Variants in TPT1 observed in about 807,000 individuals in gnomAD.
TPT1 encodes tumor protein, translationally-controlled 1, also known as translationally-controlled tumor protein.
In TPT1, 5 loss-of-function variants were observed where a neutral mutation model predicts 22.8. The ratio of observed to expected loss-of-function variants is 0.22; its 90% CI spans 0.11 to 0.46. The LOEUF (loss-of-function observed/expected upper bound fraction) is 0.46, where lower values mean the gene tolerates loss of function less well. Among genes scored for constraint, TPT1 ranks in the 20% least tolerant of loss-of-function variants. The pLI, the probability that TPT1 is intolerant of heterozygous loss-of-function variation, is 0.99. For synonymous variants in TPT1, 89 were observed against 73.6 expected, an observed-to-expected ratio of 1.21 and a Z score of -1.07; for missense variants, 130 against 218.7, an observed-to-expected ratio of 0.59 and a Z score of 2.56.
chr13:45,335,525 C>T lies in TPT1; in HGVS notation c.*1861G>A, dbSNP rs1196133917. 1 of 152,214 alleles carries T rather than the reference C, an allele frequency of 6.6e-6. No homozygotes were observed. The highest frequency in any genetic ancestry group is 2.4e-5 in the African/African-American group (1 of 41,442). 9.4% of individuals were successfully genotyped at this position (152,214 alleles called of 1,614,324 possible). On this transcript the variant is annotated 3_prime_UTR_variant, in exon 6 of 6. Coordinates refer to ENST00000530705, the MANE Select transcript of TPT1 (RefSeq NM_003295.4). Reference sequence around the variant, plus strand: ...GGCCTTCTTCACTATCCTGGTTTCCCCAGCTTTGACCACTGCCTGAAAATT... The same window carrying T: ...GGCCTTCTTCACTATCCTGGTTTCCTCAGCTTTGACCACTGCCTGAAAATT...
Position 45,341,165 on chromosome 13 carries a change from G to GGGGGAGC in TPT1, c.-103_-97dup, listed in dbSNP as rs1402672850. On this transcript the variant is annotated 5_prime_UTR_variant, in exon 1 of 6. Transcript: ENST00000530705. Reference sequence around the variant, plus strand: ...CAGCCGGAGCGGCGCTCGGGGGGAGGGGGGAGCGGGCGGAAAAGGCCGACT... The same window carrying GGGGGAGC: ...CAGCCGGAGCGGCGCTCGGGGGGAGGGGGGAGCGGGGAGCGGGCGGAAAAGGCCGACT... 50 of 1,548,426 alleles carry GGGGGAGC rather than the reference G, an allele frequency of 3.2e-5. 1 individual carries two copies. Among genetic ancestry groups the GGGGGAGC allele is most frequent in the East Asian group, 3.1e-4 (13 of 42,110 alleles).
At position 45,333,716 on chromosome 13, in the gene TPT1, T is replaced by C. The variant is rs1296344560; in HGVS notation, c.*3670A>G. Reference sequence around the variant, plus strand: ...AAAAAACCATGTACCTGTATTGTATTTCATGCCTGCGACTGTTAGTCTCTT... The same window carrying C: ...AAAAAACCATGTACCTGTATTGTATCTCATGCCTGCGACTGTTAGTCTCTT... On this transcript the variant is annotated 3_prime_UTR_variant, in exon 6 of 6. Coordinates refer to ENST00000530705, the MANE Select transcript of TPT1 (RefSeq NM_003295.4). 5 of 152,202 alleles carry C rather than the reference T, an allele frequency of 3.3e-5. No homozygotes were observed. The highest frequency in any genetic ancestry group is 2.6e-4 in the Admixed American group (4 of 15,282). 9.4% of individuals were successfully genotyped at this position (152,202 alleles called of 1,614,324 possible).
rs1236907753 is a variant in TPT1, at chr13:45,340,165, C to A, written c.122G>T (p.Gly41Val). 3.1e-6 allele frequency: 5 copies of A among 1,613,062 alleles called. No homozygotes were observed. The highest frequency in any genetic ancestry group is 4.2e-6 in the Non-Finnish European group (5 of 1,179,434). ...ACCAATGAGCGAGTCATCAATGTTACCTTCTGTCCTACTGACCATCTGCAT... is the reference window on the plus strand; with the variant it reads ...ACCAATGAGCGAGTCATCAATGTTAACTTCTGTCCTACTGACCATCTGCAT... ...VEGKMVSRTE[G>V]NIDDSLIGGN... The change falls in exon 3 of 6, where the codon GGT becomes GTT. Residue 41 changes from glycine to valine, a missense_variant. Coordinates refer to ENST00000530705, the MANE Select transcript of TPT1 (RefSeq NM_003295.4).
At chr13:45,339,315 G>A (rs1364376405) in intron 4 of TPT1, 182 bp downstream of exon 4, 3 of 492,200 alleles carry the variant, frequency 6.1e-6, no homozygotes, top group African/African-American at 2.0e-5. Flanking sequence ...AAGAAAAACT[G>A]AGAAATGTCA....
At chr13:45,338,040 A>C (rs1878826135) in intron 5 of TPT1, 1 of 164,166 alleles carries the variant, frequency 6.1e-6, no homozygotes, top group South Asian at 1.6e-4. Flanking sequence ...ATACGTATAC[A>C]GCAAAATATG....
chr13:45,340,046 T>C lies in TPT1; in HGVS notation c.241A>G (p.Thr81Ala). 2 of 1,614,214 alleles carry C rather than the reference T, an allele frequency of 1.2e-6. No individual in the cohort carries two copies. The highest frequency in any genetic ancestry group is 1.7e-6 in the Non-Finnish European group (2 of 1,180,038). ...DIVMNHHLQE[T>A]SFTKEAYKKY... ...TTGTAGGCTTCTTTTGTGAAACTTGTTTCCTGCAGGTGATGGTTCATGACA... is the reference window on the plus strand; with the variant it reads ...TTGTAGGCTTCTTTTGTGAAACTTGCTTCCTGCAGGTGATGGTTCATGACA... Residue 81 changes from threonine to alanine, a missense_variant, in exon 3 of 6, where the codon ACA becomes GCA. Thr to Ala is a moderately conservative substitution (Grantham distance 58, BLOSUM62 0). Coordinates refer to ENST00000530705, the MANE Select transcript of TPT1 (RefSeq NM_003295.4).
chr13:45,337,180 G>T lies in TPT1; in HGVS notation c.*206C>A. On this transcript the variant is annotated 3_prime_UTR_variant, in exon 6 of 6. Coordinates refer to ENST00000530705, the MANE Select transcript of TPT1 (RefSeq NM_003295.4). ...AACTAAAAGGCATTCTCTCAAATGA[G>T]TTTAAATGCATTTTATTTTTAGACA... The T allele has an allele frequency of 1.6e-6, 1 of 614,788 alleles. No homozygotes were observed. The highest frequency in any genetic ancestry group is 2.8e-5 in the East Asian group (1 of 36,232). 38.1% of individuals were successfully genotyped at this position (614,788 alleles called of 1,614,324 possible).
Position 45,335,686 on chromosome 13 carries a change from C to T in TPT1, c.*1700G>A, listed in dbSNP as rs1039532728. 6.6e-6 allele frequency: 1 copy of T among 152,358 alleles called. No individual in the cohort carries two copies. The highest frequency in any genetic ancestry group is 6.5e-5 in the Admixed American group (1 of 15,296). 9.4% of individuals were successfully genotyped at this position (152,358 alleles called of 1,614,324 possible). A position where few individuals can be genotyped will look rare whatever the true frequency, so the allele number is the denominator to read the frequency against. ...ATCCCAACACTTTAGAAGGCCAAAG[C>T]TTGAGATCACTTGAGGCCAGAGTTT... is the stretch of plus-strand genomic sequence containing the variant. On this transcript the variant is annotated 3_prime_UTR_variant, in exon 6 of 6. Coordinates refer to ENST00000530705, the MANE Select transcript of TPT1 (RefSeq NM_003295.4).
Position 45,333,930 on chromosome 13 carries a change from C to T in TPT1, c.*3456G>A, listed in dbSNP as rs1333502538. On this transcript the variant is annotated 3_prime_UTR_variant, in exon 6 of 6. Coordinates refer to ENST00000530705, the MANE Select transcript of TPT1 (RefSeq NM_003295.4). Reference sequence around the variant, plus strand: ...CTTGGTTCTTACCTCAGGGGCAGTTCCTTCTTTTTTAAAATTTTTAAACTT... The same window carrying T: ...CTTGGTTCTTACCTCAGGGGCAGTTTCTTCTTTTTTAAAATTTTTAAACTT... 2.0e-5 allele frequency: 3 copies of T among 152,130 alleles called. No homozygotes were observed. The highest frequency in any genetic ancestry group is 7.2e-5 in the African/African-American group (3 of 41,410). 9.4% of individuals were successfully genotyped at this position (152,130 alleles called of 1,614,324 possible).
rs200089052 is a variant in TPT1, at chr13:45,341,085, G to C, written c.-16C>G. ...AGATAATCATGATGGCGACTGAAGG[G>C]AGACGACGACGGCGCTAGCTTAGCA... On this transcript the variant is annotated 5_prime_UTR_variant, in exon 1 of 6. Coordinates refer to ENST00000530705, the MANE Select transcript of TPT1 (RefSeq NM_003295.4). 2.2e-5 allele frequency: 36 copies of C among 1,612,918 alleles called. No individual in the cohort carries two copies. Among genetic ancestry groups the C allele is most frequent in the Non-Finnish European group, 3.0e-5 (35 of 1,179,444 alleles).
At chr13:45,340,348 T>C in intron 2 of TPT1, 164 bp from the exon 3 acceptor site, 1 of 1,020,112 alleles carries the variant, frequency 9.8e-7, no homozygotes, top group Non-Finnish European at 1.5e-6. Context: ...CAAAACGACC[T>C]AACTTAAAAG....
chr13:45,341,058 G>A lies in TPT1; in HGVS notation c.12C>T (p.Tyr4=). The stretch of plus-strand genomic sequence containing the variant: ...AGGACTCACGGCTGATGAGGTCCCG[G>A]TAGATAATCATGATGGCGACTGAAG... The part of the protein sequence containing the change: MII[Y]RDLISHDEMF... The change falls in exon 1 of 6, where the codon TAC becomes TAT. Residue 4 remains tyrosine, a synonymous_variant. Transcript: ENST00000530705. 1 of 1,613,368 alleles carries A rather than the reference G, an allele frequency of 6.2e-7. No individual in the cohort carries two copies.
Position 45,341,144 on chromosome 13 carries a change from C to A in TPT1, c.-75G>T, listed in dbSNP as rs1056266534. 1 of 1,586,070 alleles carries A rather than the reference C, an allele frequency of 6.3e-7. No individual in the cohort carries two copies. The highest frequency in any genetic ancestry group is 8.6e-7 in the Non-Finnish European group (1 of 1,166,674). ...AAACTCGGAGCGAGCGCGGTGCAGC[C>A]GGAGCGGCGCTCGGGGGGAGGGGGG... On this transcript the variant is annotated 5_prime_UTR_variant, in exon 1 of 6. Coordinates refer to ENST00000530705, the MANE Select transcript of TPT1 (RefSeq NM_003295.4).
rs1878855535 is a variant in TPT1, at chr13:45,338,386, T to G, written c.516+274A>C. 4.1e-6 allele frequency: 2 copies of G among 484,654 alleles called. 1 individual carries two copies. Among genetic ancestry groups the G allele is most frequent in the South Asian group, 8.9e-5 (2 of 22,366 alleles). 30.0% of individuals were successfully genotyped at this position (484,654 alleles called of 1,614,324 possible). A position where few individuals can be genotyped will look rare whatever the true frequency, so the allele number is the denominator to read the frequency against. ...GCACCCACCTCGGCGTCCCAAGTGC[T>G]GAAATTACAGGTGTGAGCCACCACA... On this transcript the variant is annotated intron_variant, in intron 5 of 5. Coordinates refer to ENST00000530705, the MANE Select transcript of TPT1 (RefSeq NM_003295.4).
rs1487161950 is a variant in TPT1 at position 45,335,361 on chromosome 13, G to A, written c.*2025C>T. On this transcript the variant is annotated 3_prime_UTR_variant, in exon 6 of 6. Transcript: ENST00000530705. Reference sequence around the variant, plus strand: ...AGCTAAGAGCACTGAAAGGACAACTGGGGAAATACCTCTTCTGCAGAACTG... The same window carrying A: ...AGCTAAGAGCACTGAAAGGACAACTAGGGAAATACCTCTTCTGCAGAACTG... 6.6e-6 allele frequency: 1 copy of A among 152,292 alleles called. No homozygotes were observed. Among genetic ancestry groups the A allele is most frequent in the East Asian group, 1.9e-4 (1 of 5,192 alleles). The allele number at this position is 152,292 out of a possible 1,614,324, so 9.4% of individuals were successfully genotyped here. A position where few individuals can be genotyped will look rare whatever the true frequency, so the allele number is the denominator to read the frequency against.
chr13:45,340,792 G>A lies in TPT1; in HGVS notation c.29-7C>T, dbSNP rs578119576. 11 of 1,512,880 alleles carry A rather than the reference G, an allele frequency of 7.3e-6. No homozygotes were observed. Among genetic ancestry groups the A allele is most frequent in the Non-Finnish European group, 9.7e-6 (11 of 1,131,492 alleles). 93.7% of individuals were successfully genotyped at this position (1,512,880 alleles called of 1,614,324 possible). A position where few individuals can be genotyped will look rare whatever the true frequency, so the allele number is the denominator to read the frequency against. ...TCGGAGAACATCTCATCGTCTGCCG[G>A]ATACACAGAGCCGCCCATCACCGTG... On this transcript the variant is annotated splice_region_variant and splice_polypyrimidine_tract_variant and intron_variant, in intron 1 of 5. Transcript: ENST00000530705.
At position 45,340,211 on chromosome 13, in the gene TPT1, G is replaced by A. The variant is rs377254472; in HGVS notation, c.103-27C>T. ...TGCATTAAGAAAAAGCAGTATAATT[G>A]CAAAAGACACAAACGCATCCAAAGC... On this transcript the variant is annotated intron_variant, in intron 2 of 5. Coordinates refer to ENST00000530705, the MANE Select transcript of TPT1 (RefSeq NM_003295.4). 7 of 1,595,982 alleles carry A rather than the reference G, an allele frequency of 4.4e-6. No homozygotes were observed. The Admixed American group carries it at 5.2e-5, about 12-fold the overall frequency.
chr13:45,340,807 C>T (rs775811903), intron 1 of TPT1, 22 bp from the exon 2 acceptor site: 4 of 1,512,416 alleles, frequency 2.6e-6, no homozygotes, highest in Non-Finnish European at 3.5e-6. Context: ...ACAGAGCCGC[C>T]CATCACCGTG....
At chr13:45,340,553 C>A in intron 2 of TPT1, 159 bp downstream of exon 2, 1 of 934,760 alleles carries the variant, frequency 1.1e-6, no homozygotes, top group South Asian at 1.4e-5. Context: ...TTTCCAGGAT[C>A]AGCTCCGCCT....
Sources: allele counts gnomAD v4.1 joint callset, GRCh38; gene constraint gnomAD v4.1.1; transcripts MANE v1.5; gene names NCBI Gene and HGNC (gene_info 2026-07-23, HGNC 2026-07-21).